The following WDR59 variants were observed in gnomAD, a reference collection of about 807,000 sequenced individuals.
WDR59 encodes GATOR2 complex protein WDR59.
WDR59 carries 100 observed loss-of-function variants against 131.2 expected under a neutral mutation model. That is an observed-to-expected ratio of 0.76 (90% CI 0.65 to 0.90). The LOEUF (loss-of-function observed/expected upper bound fraction) is 0.90. Among genes scored for constraint, WDR59 ranks in the 40% least tolerant of loss-of-function variants. The pLI is 0.00. For missense variants in WDR59, 1,203 were observed against 1,262.2 expected (o/e 0.95, Z 0.71); for synonymous variants, 601 against 466.2 (o/e 1.29, Z -3.72).
Position 74,912,067 on chromosome 16 carries a change from T to G in WDR59, c.1389+131A>C. 2.4e-6 allele frequency: 3 copies of G among 1,234,874 alleles called. No individual in the cohort carries two copies. The Admixed American group carries it at 6.2e-5, about 26-fold the overall frequency. 76.5% of individuals were successfully genotyped at this position (1,234,874 alleles called of 1,614,324 possible). A position where few individuals can be genotyped will look rare whatever the true frequency, so the allele number is the denominator to read the frequency against. ...TAAATGGCAAGTTCAGAGGTTACGT[T>G]GCTAATACTAGTGTGTGTACGAAAC... On this transcript the variant is annotated intron_variant, in intron 14 of 25. Transcript: ENST00000262144.
intron 3 of WDR59, among the ~76,000 whole-genome samples, chr16:74,953,410 C>T (rs1380485448): frequency 1.3e-5 from 2 of 149,612 alleles, no homozygotes; most frequent in African/African-American, 4.9e-5. Context: ...GAAGCAGAGG[C>T]TGCAATGAAC....
At chr16:74,877,343 T>G (rs1048215646) in intron 25 of WDR59, among the ~76,000 whole-genome samples, 2 of 152,140 alleles carry the variant, frequency 1.3e-5, no homozygotes, top group Admixed American at 1.3e-4. Flanking sequence ...AGAAAACTGT[T>G]CAGTGACGAA....
At chr16:74,909,469 A>T (rs1965975777) in intron 16 of WDR59, 32 bp downstream of exon 16, 2 of 1,513,148 alleles carry the variant, frequency 1.3e-6, no homozygotes, top group Admixed American at 4.7e-5. Context: ...CTCCCTCTCG[A>T]AATCTAGAAT....
chr16:74,920,871 G>GA (rs1313256894), intron 10 of WDR59, among the ~76,000 whole-genome samples: 4 of 152,028 alleles, frequency 2.6e-5, no homozygotes, highest in Non-Finnish European at 5.9e-5. Context: ...AACCACAAAG[G>GA]AAAAATCCAG....
rs747052424 is a variant in WDR59 at position 74,971,215 on chromosome 16, TA to T, written c.55-5394del. 1.5e-4 allele frequency among the ~76,000 whole-genome samples: 23 copies of T among 152,256 alleles called. 3 individuals are homozygous for T. The highest frequency in any genetic ancestry group is 1.0e-3 in the South Asian group (5 of 4,822). ...TCACCCACGAGTTTATCTAAACTTT[TA>T]AAGTTCATTCGTTTCGTTAATACCT... On this transcript the variant is annotated intron_variant, in intron 1 of 25. Coordinates refer to ENST00000262144, the MANE Select transcript of WDR59 (RefSeq NM_030581.4).
chr16:74,942,442 T>A (rs536625205), intron 7 of WDR59, among the ~76,000 whole-genome samples: 1 of 152,128 alleles, frequency 6.6e-6, no homozygotes, highest in Non-Finnish European at 1.5e-5. Context: ...TGTCTTTATT[T>A]TGAAGGAAAC....
intron 17 of WDR59, among the ~76,000 whole-genome samples, chr16:74,905,197 G>T (rs138396936): frequency 1.6e-3 from 245 of 151,932 alleles, no homozygotes; most frequent in Admixed American, 1.8e-3. Flanking sequence ...CCAACGTGGA[G>T]AAACCCCATC....
chr16:74,909,161 C>T (rs1325535717), intron 16 of WDR59, among the ~76,000 whole-genome samples, 184 bp from the exon 17 acceptor site: 1 of 152,078 alleles, frequency 6.6e-6, no homozygotes, highest in Non-Finnish European at 1.5e-5. Context: ...CTCCAGGATC[C>T]AGGAGAGAGG....
chr16:74,976,118 T>G (rs1349140373), intron 1 of WDR59, among the ~76,000 whole-genome samples: 5 of 152,234 alleles, frequency 3.3e-5, no homozygotes, highest in Non-Finnish European at 7.3e-5. Context: ...ATGAACATTG[T>G]ATGAAACTAA....
chr16:74,984,325 C>A (rs1033992385), intron 1 of WDR59, among the ~76,000 whole-genome samples: 20 of 151,994 alleles, frequency 1.3e-4, no homozygotes, highest in Non-Finnish European at 2.4e-4. Context: ...AAAATAAAAT[C>A]TTTAAGCCAA....
intron 8 of WDR59, among the ~76,000 whole-genome samples, chr16:74,934,972 T>TG (rs1384731531): frequency 2.6e-5 from 4 of 152,170 alleles, no homozygotes; most frequent in Non-Finnish European, 5.9e-5. Flanking sequence ...CTCATGCCTA[T>TG]AATCCCAGCA....
intron 17 of WDR59, among the ~76,000 whole-genome samples, chr16:74,905,334 C>T (rs968706639): frequency 1.3e-5 from 2 of 151,558 alleles, no homozygotes; most frequent in Admixed American, 1.3e-4. Flanking sequence ...GAGATTGCGC[C>T]ATTGCACTCC....
At chr16:74,909,408 A>G (rs1186777963) in intron 16 of WDR59, 93 bp downstream of exon 16, 63 of 1,423,268 alleles carry the variant, frequency 4.4e-5, no homozygotes, top group Non-Finnish European at 5.4e-5. Flanking sequence ...GAGTAAAAGC[A>G]AACATTTTCT....
intron 13 of WDR59, among the ~76,000 whole-genome samples, chr16:74,913,146 T>C (rs1156842863): frequency 6.6e-6 from 1 of 152,042 alleles, no homozygotes; most frequent in Non-Finnish European, 1.5e-5. Flanking sequence ...GGCAGCTTTG[T>C]CACGGTGAGC....
chr16:74,953,696 C>T (rs1303140825), intron 3 of WDR59, among the ~76,000 whole-genome samples: 1 of 151,892 alleles, frequency 6.6e-6, no homozygotes, highest in Admixed American at 6.6e-5. Flanking sequence ...GCAAACAACC[C>T]AATTCGAAAA....
At chr16:74,968,642 AC>A (rs1450150183) in intron 1 of WDR59, among the ~76,000 whole-genome samples, 1 of 151,926 alleles carries the variant, frequency 6.6e-6, no homozygotes, top group African/African-American at 2.4e-5. Flanking sequence ...GATCGCTTGA[AC>A]CCAGGAAGTG....
At chr16:74,961,863 C>G (rs2033581138) in intron 2 of WDR59, among the ~76,000 whole-genome samples, 1 of 152,198 alleles carries the variant, frequency 6.6e-6, no homozygotes, top group Non-Finnish European at 1.5e-5. Flanking sequence ...AAATCTTTGC[C>G]CATGCCTATG....
At chr16:74,984,144 GT>G (rs1306575816) in intron 1 of WDR59, among the ~76,000 whole-genome samples, 1 of 152,018 alleles carries the variant, frequency 6.6e-6, no homozygotes, top group Non-Finnish European at 1.5e-5. Flanking sequence ...GGGCGTGGTG[GT>G]GCGCACCTGT....
chr16:74,917,347 G>A (rs1966440269), intron 11 of WDR59, among the ~76,000 whole-genome samples: 1 of 152,164 alleles, frequency 6.6e-6, no homozygotes, highest in Non-Finnish European at 1.5e-5. Flanking sequence ...AACCCACAGG[G>A]CACATACTCA....
Sources: gnomAD v4.1 joint callset for allele counts (sites outside exome capture counted in the v4.1 genomes callset) on GRCh38, gnomAD v4.1.1 for gene constraint, MANE v1.5 for transcripts, NCBI Gene and HGNC (gene_info 2026-07-23, HGNC 2026-07-21) for gene names.